The following SORCS3 variants were observed in gnomAD, a reference collection of about 807,000 sequenced individuals.
SORCS3 encodes sortilin related VPS10 domain containing receptor 3.
SORCS3 carries 57 observed loss-of-function variants against 146.3 expected under a neutral mutation model. That is an observed-to-expected ratio of 0.39 (90% CI 0.31 to 0.49). The LOEUF is 0.49. Ranked by LOEUF, SORCS3 falls within the 20% of genes least tolerant of loss-of-function variation. The pLI is 0.92. For missense variants in SORCS3, 1,341 were observed against 1,575.5 expected (o/e 0.85, Z 2.52); for synonymous variants, 653 against 618.5 (o/e 1.06, Z -0.83).
intron 2 of SORCS3, among the ~76,000 whole-genome samples, chr10:104,867,102 G>T (rs2018467745): frequency 6.6e-6 from 1 of 152,120 alleles, no homozygotes; most frequent in Non-Finnish European, 1.5e-5. Context: ...ACAGACTAAT[G>T]GGGACAACAG....
At chr10:105,252,626 A>G in intron 22 of SORCS3, 149 bp from the exon 23 acceptor site, 1 of 867,330 alleles carries the variant, frequency 1.2e-6, no homozygotes, top group South Asian at 1.7e-5. Flanking sequence ...AAACTGAAAG[A>G]AAGCCTGAAT....
At position 104,945,339 on chromosome 10, in the gene SORCS3, C is replaced by A. The variant is rs1196783334; in HGVS notation, c.795+29407C>A. ...TGATCTCGGCTCAGGCTCACTGCAA[C>A]CTCCACCTCCTGGGTTTAAGTGATT... On this transcript the variant is annotated intron_variant, in intron 3 of 26. Coordinates refer to ENST00000369701, the MANE Select transcript of SORCS3 (RefSeq NM_014978.3). 2.6e-5 allele frequency among the ~76,000 whole-genome samples: 4 copies of A among 152,176 alleles called. No individual in the cohort carries two copies. The East Asian group carries it at 5.8e-4, about 22-fold the overall frequency.
intron 2 of SORCS3, among the ~76,000 whole-genome samples, chr10:104,912,652 AAG>A (rs1353496469): frequency 6.6e-6 from 1 of 152,222 alleles, no homozygotes; most frequent in Non-Finnish European, 1.5e-5. Context: ...CTTACAAATA[AAG>A]ACAAATTAAA....
At chr10:105,167,887 A>G (rs2056327171) in intron 13 of SORCS3, among the ~76,000 whole-genome samples, 1 of 152,172 alleles carries the variant, frequency 6.6e-6, no homozygotes, top group Non-Finnish European at 1.5e-5. Context: ...AGTGGGTACA[A>G]GGAGAAACCA....
chr10:104,947,748 G>A (rs371318634), intron 3 of SORCS3, among the ~76,000 whole-genome samples: 2 of 152,036 alleles, frequency 1.3e-5, no homozygotes, highest in Non-Finnish European at 2.9e-5. Flanking sequence ...TCAGCCTCCC[G>A]AGTAGCTGGG....
Position 105,026,589 on chromosome 10 carries a change from A to G in SORCS3, c.955-16466A>G, listed in dbSNP as rs145748629. ...ATGGAATCAACCTAGATGTCCATCA[A>G]CTGTGGACTGGATAAAGAAAATGTG... On this transcript the variant is annotated intron_variant, in intron 4 of 26. Transcript: ENST00000369701. Among the ~76,000 whole-genome samples, 846 of 152,362 alleles carry G rather than the reference A, an allele frequency of 5.6e-3. 11 individuals carry two copies. Among genetic ancestry groups the G allele is most frequent in the African/African-American group, 0.018 (765 of 41,588 alleles).
chr10:104,932,317 C>T (rs1404791), intron 3 of SORCS3, among the ~76,000 whole-genome samples: 13,004 of 152,216 alleles, frequency 0.085, 715 homozygotes, highest in South Asian at 0.24. Flanking sequence ...TTTAGTCTCA[C>T]GGCTGCTTGC....
chr10:104,695,235 C>T (rs2016160465), intron 1 of SORCS3, among the ~76,000 whole-genome samples: 1 of 151,728 alleles, frequency 6.6e-6, no homozygotes, highest in South Asian at 2.1e-4. Context: ...ATTAAGCAAA[C>T]TAAATCTTTT....
At chr10:104,816,966 C>A (rs2017804844) in intron 1 of SORCS3, among the ~76,000 whole-genome samples, 1 of 152,166 alleles carries the variant, frequency 6.6e-6, no homozygotes, top group Non-Finnish European at 1.5e-5. Context: ...CCCGGGCACC[C>A]AAGAATTCAC....
intron 1 of SORCS3, among the ~76,000 whole-genome samples, chr10:104,713,860 A>C (rs1162053134): frequency 6.6e-6 from 1 of 152,150 alleles, no homozygotes; most frequent in Non-Finnish European, 1.5e-5. Flanking sequence ...TGATTGGTAG[A>C]ATTCATAGGT....
At chr10:104,803,138 A>G (rs1248325296) in intron 1 of SORCS3, among the ~76,000 whole-genome samples, 34 of 152,222 alleles carry the variant, frequency 2.2e-4, no homozygotes, top group Admixed American at 2.2e-3. Context: ...CAGAAATTGC[A>G]TGTGTCACTT....
intron 1 of SORCS3, among the ~76,000 whole-genome samples, chr10:104,767,820 T>TC (rs2017199359): frequency 6.9e-6 from 1 of 143,932 alleles, no homozygotes; most frequent in Admixed American, 7.0e-5. Flanking sequence ...TCCCTCTTCT[T>TC]CCCCCCTCTC....
intron 3 of SORCS3, among the ~76,000 whole-genome samples, chr10:104,953,967 G>A (rs1049352471): frequency 2.6e-5 from 4 of 152,178 alleles, no homozygotes; most frequent in African/African-American, 4.8e-5. Context: ...TAAATTCCCA[G>A]TGTGTGCTAA....
chr10:104,802,444 G>A (rs1289489029), intron 1 of SORCS3, among the ~76,000 whole-genome samples: 1 of 152,190 alleles, frequency 6.6e-6, no homozygotes, highest in Non-Finnish European at 1.5e-5. Flanking sequence ...TTTACAGAAA[G>A]AGGTGCTAGG....
intron 3 of SORCS3, among the ~76,000 whole-genome samples, chr10:104,956,651 G>A (rs953829251): frequency 6.6e-6 from 1 of 152,096 alleles, no homozygotes; most frequent in East Asian, 1.9e-4. Flanking sequence ...TGAAGTCAAG[G>A]AGTTAATAGA....
intron 8 of SORCS3, among the ~76,000 whole-genome samples, chr10:105,141,987 T>C (rs574115121): frequency 5.3e-5 from 8 of 152,294 alleles, no homozygotes; most frequent in Middle Eastern, 3.4e-3. Context: ...ATCTAAGGAA[T>C]GGTTTTGGTC....
At chr10:105,059,327 T>TGCTTTTTTAGC (rs1160427718) in intron 5 of SORCS3, among the ~76,000 whole-genome samples, 1 of 152,210 alleles carries the variant, frequency 6.6e-6, no homozygotes, top group African/African-American at 2.4e-5. Flanking sequence ...CTAGATGAGA[T>TGCTTTTTTAGC]AATATACTTC....
intron 6 of SORCS3, among the ~76,000 whole-genome samples, chr10:105,101,737 G>A (rs2055786643): frequency 6.6e-6 from 1 of 152,118 alleles, no homozygotes; most frequent in African/African-American, 2.4e-5. Context: ...ATAGCCAGAG[G>A]GAAATGAACC....
intron 20 of SORCS3, among the ~76,000 whole-genome samples, chr10:105,245,066 CA>C (rs3043042): frequency 1.5e-3 from 146 of 99,762 alleles, no homozygotes; most frequent in African/African-American, 3.0e-3. Context: ...AAGACTCTGT[CA>C]AAAAAAAAAA....
Sources: gnomAD v4.1 joint callset for allele counts (sites outside exome capture counted in the v4.1 genomes callset) on GRCh38, gnomAD v4.1.1 for gene constraint, MANE v1.5 for transcripts, NCBI Gene and HGNC (gene_info 2026-07-23, HGNC 2026-07-21) for gene names.